CC2D2B: variants seen among roughly 807,000 people sequenced by gnomAD.
CC2D2B encodes coiled-coil and C2 domain containing 2B.
In CC2D2B, 128 loss-of-function variants were observed where a neutral mutation model predicts 161.2. That is an observed-to-expected ratio of 0.79 (90% CI 0.69 to 0.92). The LOEUF is 0.92. Among genes scored for constraint, CC2D2B ranks in the 40% least tolerant of loss-of-function variants. The pLI is 0.00. For synonymous variants in CC2D2B, 391 were observed against 449.8 expected (o/e 0.87, Z 1.65); for missense variants, 1,173 against 1,375.1 (o/e 0.85, Z 2.32).
In CC2D2B at chr10:95,943,581, C is replaced by A. The variant is rs72813659; in HGVS notation, c.801+4656C>A. On this transcript the variant is annotated intron_variant, in intron 9 of 34. Coordinates refer to ENST00000646931, the MANE Select transcript of CC2D2B (RefSeq NM_001349008.3). ...CATTTTTTGCTTGAAAGTGTTCATTCGACATTTAATTCTTCTGTAAATATT... is the reference window on the plus strand; with the variant it reads ...CATTTTTTGCTTGAAAGTGTTCATTAGACATTTAATTCTTCTGTAAATATT... 6.9e-3 allele frequency among the ~76,000 whole-genome samples: 1,053 copies of A among 152,114 alleles called. 8 individuals are homozygous for A. Among genetic ancestry groups the A allele is most frequent in the Middle Eastern group, 0.031 (9 of 294 alleles).
chr10:96,031,056 C>T (rs1342132984), intron 34 of CC2D2B, among the ~76,000 whole-genome samples: 1 of 152,182 alleles, frequency 6.6e-6, no homozygotes, highest in Non-Finnish European at 1.5e-5. Context: ...TGGCACCCAA[C>T]ACCTAGTAAG....
intron 24 of CC2D2B, chr10:96,000,178 C>A (rs890570850): frequency 6.7e-5 from 96 of 1,434,290 alleles, no homozygotes; most frequent in Non-Finnish European, 8.7e-5. Flanking sequence ...AGGAACAACT[C>A]CATGTTTTCT....
chr10:95,989,958 G>T (rs1250187044), intron 20 of CC2D2B, among the ~76,000 whole-genome samples: 1 of 152,182 alleles, frequency 6.6e-6, no homozygotes, highest in South Asian at 2.1e-4. Context: ...TACATTTCCT[G>T]CTGTGTTACT....
At chr10:95,908,334 G>C (rs938380815) in intron 1 of CC2D2B, among the ~76,000 whole-genome samples, 18 of 152,308 alleles carry the variant, frequency 1.2e-4, no homozygotes, top group African/African-American at 4.1e-4. Context: ...TGTGTGTGCT[G>C]AACACCTTGC....
intron 19 of CC2D2B, among the ~76,000 whole-genome samples, chr10:95,987,058 C>A (rs930242776): frequency 6.6e-6 from 1 of 152,150 alleles, no homozygotes; most frequent in African/African-American, 2.4e-5. Flanking sequence ...GGTATGGTGG[C>A]TCATGCCTGT....
At chr10:95,987,426 T>C (rs530810311) in intron 19 of CC2D2B, among the ~76,000 whole-genome samples, 2 of 152,218 alleles carry the variant, frequency 1.3e-5, no homozygotes, top group South Asian at 4.1e-4. Context: ...TTCTTATGGA[T>C]AATTAGAAGA....
At chr10:95,999,777 T>A in intron 24 of CC2D2B, 1 of 272,356 alleles carries the variant, frequency 3.7e-6, no homozygotes, top group Non-Finnish European at 7.3e-6. Flanking sequence ...ACACCAATTA[T>A]GCCATGACTT....
chr10:95,916,045 T>C (rs1427860321), intron 2 of CC2D2B, among the ~76,000 whole-genome samples: 1 of 152,142 alleles, frequency 6.6e-6, no homozygotes, highest in African/African-American at 2.4e-5. Context: ...TTTCTTTGCT[T>C]GGAGACTTTT....
At chr10:95,968,650 T>A in intron 14 of CC2D2B, 74 bp from the exon 15 acceptor site, 1 of 541,378 alleles carries the variant, frequency 1.8e-6, no homozygotes, top group Non-Finnish European at 2.8e-6. Flanking sequence ...CATGCTAATA[T>A]ACATTTTGAA....
chr10:95,942,759 G>A (rs1242220914), intron 9 of CC2D2B, among the ~76,000 whole-genome samples: 15 of 151,820 alleles, frequency 9.9e-5, no homozygotes, highest in Admixed American at 9.8e-4. Context: ...TACCTTTCTG[G>A]TGTGCTTTGA....
In CC2D2B at chr10:95,924,366, G is replaced by T; in HGVS notation, c.150G>T (p.Val50=). Residue 50 remains valine, a synonymous_variant, in exon 4 of 35, where the codon GTG becomes GTT. Transcript: ENST00000646931. ...QNVAKTLRGK[V]REKLKISKIN... is the part of the protein sequence containing the mutation. ...TAGCAAAGACATTGAGAGGCAAAGT[G>T]AGAGAAAAGCTAAAAATTTCTAAGG... The T allele has an allele frequency of 6.6e-7, 1 of 1,522,224 alleles. No homozygotes were observed. The highest frequency in any genetic ancestry group is 1.3e-5 in the South Asian group (1 of 78,786). 94.3% of individuals were successfully genotyped at this position (1,522,224 alleles called of 1,614,324 possible).
chr10:96,015,872 A>G (rs538833083), intron 29 of CC2D2B, among the ~76,000 whole-genome samples: 12 of 152,330 alleles, frequency 7.9e-5, no homozygotes, highest in Admixed American at 5.9e-4. Flanking sequence ...ATACCAGTCC[A>G]TATGTCCCTG....
At chr10:96,029,529 C>T (rs2079975567) in intron 34 of CC2D2B, among the ~76,000 whole-genome samples, 1 of 151,110 alleles carries the variant, frequency 6.6e-6, no homozygotes, top group South Asian at 2.1e-4. Flanking sequence ...TAAGAAAAAC[C>T]TCTAGTAGTA....
intron 34 of CC2D2B, among the ~76,000 whole-genome samples, chr10:96,029,240 C>CCA: frequency 1.8e-5 from 1 of 56,110 alleles, no homozygotes; most frequent in Non-Finnish European, 3.8e-5. Flanking sequence ...TTTTCATGTA[C>CCA]CATATATATA....
intron 11 of CC2D2B, among the ~76,000 whole-genome samples, chr10:95,955,992 T>C (rs919896562): frequency 1.3e-5 from 2 of 152,172 alleles, no homozygotes; most frequent in African/African-American, 4.8e-5. Flanking sequence ...AACATATTCA[T>C]GTGTCACAGA....
At chr10:96,027,174 T>C in intron 33 of CC2D2B, 38 bp from the exon 34 acceptor site, 1 of 1,389,766 alleles carries the variant, frequency 7.2e-7, no homozygotes, top group African/African-American at 1.5e-5. Flanking sequence ...AAATGAGTTA[T>C]AACTTGTCAT....
intron 9 of CC2D2B, among the ~76,000 whole-genome samples, chr10:95,947,100 TA>T (rs1413085709): frequency 5.7e-5 from 2 of 34,814 alleles, no homozygotes; most frequent in African/African-American, 3.8e-4. Flanking sequence ...TATATATATA[TA>T]TATATATATA....
intron 34 of CC2D2B, among the ~76,000 whole-genome samples, chr10:96,029,187 G>A (rs2079914586): frequency 6.9e-6 from 1 of 143,894 alleles, no homozygotes; most frequent in African/African-American, 2.5e-5. Context: ...TCCATTATGT[G>A]ACTACTATGC....
intron 23 of CC2D2B, among the ~76,000 whole-genome samples, chr10:95,995,819 A>C (rs2078210654): frequency 6.6e-6 from 1 of 152,202 alleles, no homozygotes; most frequent in Admixed American, 6.5e-5. Context: ...AAAGTTAATC[A>C]TTCCTTTTCC....
Sources: allele counts gnomAD v4.1 joint callset (sites outside exome capture counted in the v4.1 genomes callset), GRCh38; gene constraint gnomAD v4.1.1; transcripts MANE v1.5; gene names NCBI Gene and HGNC (gene_info 2026-07-23, HGNC 2026-07-21).